The following TRHDE variants were observed in gnomAD, a reference collection of about 807,000 sequenced individuals.
TRHDE encodes the protein thyrotropin-releasing hormone-degrading ectoenzyme.
A neutral mutation model predicts 125.7 loss-of-function variants in TRHDE; 72 were observed. That is an observed-to-expected ratio of 0.57 (90% CI 0.47 to 0.70). TRHDE has a LOEUF of 0.70. TRHDE is among the 30% of genes least tolerant of loss of function. The pLI is 0.00. For missense variants in TRHDE, 1,110 were observed against 1,327.1 expected (o/e 0.84, Z 2.54); for synonymous variants, 509 against 509.1 (o/e 1.00, Z 0.00).
intron 6 of TRHDE, among the ~76,000 whole-genome samples, chr12:72,506,108 G>A (rs1899907): frequency 0.25 from 37,447 of 151,978 alleles, 6,130 homozygotes; most frequent in East Asian, 0.5. Flanking sequence ...ACTCAAGTCT[G>A]GTGAACATAG....
At chr12:72,452,395 C>T (rs532059305) in intron 3 of TRHDE, among the ~76,000 whole-genome samples, 31 of 152,112 alleles carry the variant, frequency 2.0e-4, no homozygotes, top group African/African-American at 7.0e-4. Flanking sequence ...CAAATGAGAA[C>T]GGTTGAAATT....
intron 2 of TRHDE, among the ~76,000 whole-genome samples, chr12:72,295,829 T>C (rs1019944877): frequency 1.3e-5 from 2 of 152,130 alleles, no homozygotes; most frequent in African/African-American, 4.8e-5. Context: ...GAAGTCCTGT[T>C]GTCATTAGAC....
chr12:72,232,742 C>CA (rs1284725975), intron 2 of TRHDE, among the ~76,000 whole-genome samples: 1 of 152,038 alleles, frequency 6.6e-6, no homozygotes, highest in East Asian at 1.9e-4. Flanking sequence ...AACATATCCC[C>CA]ATGGCTTCTT....
At chr12:72,309,293 A>G (rs1868428810) in intron 2 of TRHDE, among the ~76,000 whole-genome samples, 1 of 152,192 alleles carries the variant, frequency 6.6e-6, no homozygotes, top group Non-Finnish European at 1.5e-5. Context: ...GCTGTTTGTG[A>G]AGAGAAAGTG....
intron 6 of TRHDE, among the ~76,000 whole-genome samples, chr12:72,516,958 A>G (rs183903294): frequency 1.1e-3 from 167 of 152,134 alleles, no homozygotes; most frequent in Non-Finnish European, 2.0e-3. Flanking sequence ...ATTGATTTGC[A>G]TATATTGAAC....
At chr12:72,477,406 A>G (rs1876949877) in intron 5 of TRHDE, among the ~76,000 whole-genome samples, 1 of 152,220 alleles carries the variant, frequency 6.6e-6, no homozygotes, top group Admixed American at 6.5e-5. Flanking sequence ...TTCCATAGGA[A>G]CATAAGCCTT....
intron 12 of TRHDE, among the ~76,000 whole-genome samples, chr12:72,581,980 T>C (rs1565798682): frequency 6.6e-6 from 1 of 151,826 alleles, no homozygotes; most frequent in Non-Finnish European, 1.5e-5. Flanking sequence ...CAGGCGCCTG[T>C]AGTTCCAGCT....
chr12:72,305,400 G>T (rs542227232), intron 2 of TRHDE, among the ~76,000 whole-genome samples: 3 of 152,290 alleles, frequency 2.0e-5, no homozygotes, highest in Admixed American at 1.3e-4. Context: ...ATGGAACATT[G>T]CTGTTGCTCA....
intron 12 of TRHDE, among the ~76,000 whole-genome samples, chr12:72,578,783 CA>C (rs1871114346): frequency 6.6e-6 from 1 of 152,144 alleles, no homozygotes; most frequent in African/African-American, 2.4e-5. Flanking sequence ...TTGCTCTAGT[CA>C]TTCTTTATTT....
intron 2 of TRHDE, among the ~76,000 whole-genome samples, chr12:72,235,777 A>G (rs572645648): frequency 7.2e-6 from 1 of 139,038 alleles, no homozygotes; most frequent in South Asian, 2.1e-4. Flanking sequence ...CACTATAGCC[A>G]AGCCCAAATT....
chr12:72,091,302 G>A (rs1443239171), intron 1 of TRHDE, among the ~76,000 whole-genome samples: 1 of 152,126 alleles, frequency 6.6e-6, no homozygotes, highest in East Asian at 1.9e-4. Context: ...ATATGGTTAT[G>A]CACATAAATT....
chr12:72,388,965 A>G (rs1048529148), intron 3 of TRHDE, among the ~76,000 whole-genome samples: 2 of 151,762 alleles, frequency 1.3e-5, no homozygotes, highest in African/African-American at 2.4e-5. Flanking sequence ...TCTATTGAAT[A>G]TCCTTATGTA....
chr12:72,530,743 T>TA (rs1868511236), intron 6 of TRHDE, among the ~76,000 whole-genome samples: 1 of 151,914 alleles, frequency 6.6e-6, no homozygotes. Context: ...GTCAATTTAT[T>TA]AAAGAAATCT....
chr12:72,310,367 G>A (rs965627827), intron 2 of TRHDE, among the ~76,000 whole-genome samples: 30 of 152,298 alleles, frequency 2.0e-4, no homozygotes, highest in African/African-American at 7.0e-4. Context: ...CTGTGCCTAT[G>A]GGCAAGCCGT....
chr12:72,249,805 G>C (rs1177994307), intron 2 of TRHDE, among the ~76,000 whole-genome samples: 2 of 152,092 alleles, frequency 1.3e-5, no homozygotes, highest in African/African-American at 2.4e-5. Flanking sequence ...TTACCCAAGA[G>C]AAATGAAAGC....
chr12:72,612,119 T>TATC (rs951104918), intron 12 of TRHDE, among the ~76,000 whole-genome samples: 3 of 152,208 alleles, frequency 2.0e-5, no homozygotes, highest in Admixed American at 6.5e-5. Context: ...AGTCTGTTCC[T>TATC]ATCTCAAAAC....
In TRHDE at chr12:72,663,181, G is replaced by C; in HGVS notation, c.3196G>C (p.Ala1066Pro). Residue 1066 changes from alanine (A) to proline (P), a missense_variant, in exon 19 of 19, where the codon GCT (alanine) becomes CCT (proline). This residue lies in a region of TRHDE where 527 missense variants were observed against 651.8 expected (regional missense o/e 0.81). Coordinates refer to ENST00000261180, the MANE Select transcript of TRHDE (RefSeq NM_013381.3). Reference sequence around the variant, plus strand: ...CGAGCTTTTCCAATGGTTAGGAAAAGCTCTAAGACACTAATATATGTATCT... The same window carrying C: ...CGAGCTTTTCCAATGGTTAGGAAAACCTCTAAGACACTAATATATGTATCT... ...QDELFQWLGK[A>P]LRH is the part of the protein sequence containing the mutation. 6.2e-7 allele frequency: 1 copy of C among 1,611,096 alleles called. No homozygotes were observed.
intron 3 of TRHDE, among the ~76,000 whole-genome samples, chr12:72,443,097 A>G (rs1294836894): frequency 6.6e-6 from 1 of 151,718 alleles, no homozygotes; most frequent in East Asian, 1.9e-4. Context: ...ATTGACTACC[A>G]CTTTAGCTTC....
intron 2 of TRHDE, among the ~76,000 whole-genome samples, chr12:72,304,143 C>T (rs1290400978): frequency 6.6e-6 from 1 of 152,138 alleles, no homozygotes; most frequent in Admixed American, 6.5e-5. Context: ...ACTAATTACG[C>T]TCCCTTAATT....
Sources: gnomAD v4.1 joint callset for allele counts (sites outside exome capture counted in the v4.1 genomes callset) on GRCh38, gnomAD v4.1.1 for gene constraint, gnomAD v4.1.1 regional missense constraint, MANE v1.5 for transcripts, NCBI Gene and HGNC (gene_info 2026-07-23, HGNC 2026-07-21) for gene names.